The following GRK3 variants were observed in gnomAD, a reference collection of about 807,000 sequenced individuals.
GRK3 encodes adrenergic, beta, receptor kinase 2.
GRK3 carries 54 observed loss-of-function variants against 95.7 expected under a neutral mutation model. That is an observed-to-expected ratio of 0.56 (90% CI 0.45 to 0.71). GRK3 has a LOEUF of 0.71. GRK3 is among the 30% of genes least tolerant of loss of function. The pLI is 0.00. For missense variants in GRK3, 649 were observed against 851.2 expected (o/e 0.76, Z 2.96); for synonymous variants, 281 against 290.8 (o/e 0.97, Z 0.34).
At chr22:25,612,053 G>A (rs1420447701) in intron 2 of GRK3, among the ~76,000 whole-genome samples, 1 of 151,922 alleles carries the variant, frequency 6.6e-6, no homozygotes. Flanking sequence ...GGCTGGTCAC[G>A]ATCTCTTGAG....
intron 1 of GRK3, among the ~76,000 whole-genome samples, chr22:25,593,141 T>G (rs970833354): frequency 6.6e-6 from 1 of 152,080 alleles, no homozygotes; most frequent in African/African-American, 2.4e-5. Context: ...CATGTGGTTT[T>G]TTTTTTTTCT....
intron 8 of GRK3, among the ~76,000 whole-genome samples, chr22:25,674,800 TTAGCCGGGCGCA>T (rs1277730026): frequency 6.6e-6 from 1 of 151,972 alleles, no homozygotes; most frequent in Non-Finnish European, 1.5e-5. Context: ...ATACAAAAAA[TTAGCCGGGCGCA>T]GTGGCGGGCG....
chr22:25,568,277 G>A (rs1221241305), intron 1 of GRK3, among the ~76,000 whole-genome samples: 1 of 151,972 alleles, frequency 6.6e-6, no homozygotes, highest in African/African-American at 2.4e-5. Flanking sequence ...TGATTCAGAC[G>A]ACTTTTACTG....
At chr22:25,715,811 A>G (rs1434440077) in intron 18 of GRK3, among the ~76,000 whole-genome samples, 1 of 152,188 alleles carries the variant, frequency 6.6e-6, no homozygotes, top group Non-Finnish European at 1.5e-5. Flanking sequence ...TGGTAGCAGC[A>G]TCTTGGTATA....
At chr22:25,710,457 C>T (rs1242997719) in intron 16 of GRK3, among the ~76,000 whole-genome samples, 3 of 152,180 alleles carry the variant, frequency 2.0e-5, no homozygotes, top group Admixed American at 6.5e-5. Flanking sequence ...AGCATGATTT[C>T]CTTTCCTTAT....
At chr22:25,566,224 A>G (rs1260662001) in intron 1 of GRK3, among the ~76,000 whole-genome samples, 1 of 152,222 alleles carries the variant, frequency 6.6e-6, no homozygotes, top group East Asian at 1.9e-4. Context: ...TTGATGCTCA[A>G]AAGAGGCATC....
chr22:25,683,223 A>T (rs754984394), intron 9 of GRK3, among the ~76,000 whole-genome samples: 16 of 152,282 alleles, frequency 1.1e-4, no homozygotes, highest in Admixed American at 1.3e-4. Context: ...CTGATCCATG[A>T]TCTATATGGC....
chr22:25,714,487 C>T lies in GRK3; in HGVS notation c.1571C>T (p.Thr524Ile). Reference sequence around the variant, plus strand: ...CGCTGGCAGCAAGAAGTAACGGAAACAGTTTATGAAGCAGTAAATGCAGAC... The same window carrying T: ...CGCTGGCAGCAAGAAGTAACGGAAATAGTTTATGAAGCAGTAAATGCAGAC... The part of the protein sequence containing the change: ...SERWQQEVTE[T>I]VYEAVNADTD... The change falls in exon 18 of 21, where the codon ACA becomes ATA. Residue 524 changes from threonine (T) to isoleucine (I), a missense_variant. Thr to Ile is a moderately conservative substitution (Grantham distance 89, BLOSUM62 -1). Coordinates refer to ENST00000324198, the MANE Select transcript of GRK3 (RefSeq NM_005160.4). 5.0e-6 allele frequency: 8 copies of T among 1,613,912 alleles called. No individual in the cohort carries two copies. Among genetic ancestry groups the T allele is most frequent in the Non-Finnish European group, 6.8e-6 (8 of 1,179,918 alleles).
intron 2 of GRK3, among the ~76,000 whole-genome samples, chr22:25,622,215 C>T (rs1201940418): frequency 1.3e-5 from 2 of 152,176 alleles, no homozygotes; most frequent in Non-Finnish European, 2.9e-5. Flanking sequence ...AACTAAGGAA[C>T]ACTGGCAGAG....
intron 5 of GRK3, among the ~76,000 whole-genome samples, chr22:25,666,984 G>C (rs1014213085): frequency 1.3e-5 from 2 of 152,200 alleles, no homozygotes; most frequent in African/African-American, 2.4e-5. Context: ...AAAGTGGCAT[G>C]AAGTTGAAGT....
chr22:25,593,349 C>CTTTCTTTTCT (rs145706483), intron 1 of GRK3, among the ~76,000 whole-genome samples: 7 of 151,876 alleles, frequency 4.6e-5, no homozygotes, highest in African/African-American at 1.7e-4. Context: ...GCATCTGTTT[C>CTTTCTTTTCT]TTTCTTTTCT....
intron 5 of GRK3, 104 bp from the exon 6 acceptor site, chr22:25,667,635 G>A: frequency 1.4e-6 from 1 of 719,900 alleles, no homozygotes; most frequent in South Asian, 1.7e-5. Flanking sequence ...ATGCTATGGG[G>A]AGTGCATAAT....
intron 9 of GRK3, 58 bp downstream of exon 9, chr22:25,678,973 A>G (rs2146422790): frequency 8.4e-7 from 1 of 1,190,066 alleles, no homozygotes; most frequent in Non-Finnish European, 1.2e-6. Flanking sequence ...TCATAGCAGG[A>G]TGATTTATTA....
At chr22:25,662,927 CT>C (rs1238244505) in intron 4 of GRK3, among the ~76,000 whole-genome samples, 1 of 152,072 alleles carries the variant, frequency 6.6e-6, no homozygotes, top group African/African-American at 2.4e-5. Flanking sequence ...TTTTTTCCCC[CT>C]AGTTCCCCTC....
chr22:25,605,029 T>C (rs2084434587), intron 2 of GRK3, among the ~76,000 whole-genome samples: 1 of 152,228 alleles, frequency 6.6e-6, no homozygotes, highest in African/African-American at 2.4e-5. Flanking sequence ...TCTTCTTTAC[T>C]CCGATAATAA....
chr22:25,709,899 T>G lies in GRK3; in HGVS notation c.1330T>G (p.Ser444Ala), dbSNP rs749058140. ...CTGTTATGACTCTTTCTCCTCCAGC[T>G]CACAGGAAGTAAAAGAGCACAGCTT... is the stretch of plus-strand genomic sequence containing the variant. ...SKRLGCHGGG[S>A]QEVKEHSFFK... is the part of the protein sequence containing the mutation. The change falls in exon 16 of 21, where the codon TCA becomes GCA. Residue 444 changes from serine (S) to alanine (A), a missense_variant and splice_region_variant. Around this residue, in one of 3 missense-constraint regions of GRK3, gnomAD observed 382 missense variants for 493.8 expected, o/e 0.77. Transcript: ENST00000324198. 6.9e-5 allele frequency: 112 copies of G among 1,612,250 alleles called. No homozygotes were observed. Among genetic ancestry groups the G allele is most frequent in the Non-Finnish European group, 9.5e-5 (112 of 1,178,374 alleles).
intron 3 of GRK3, among the ~76,000 whole-genome samples, chr22:25,657,531 G>A (rs984548806): frequency 1.3e-5 from 2 of 151,982 alleles, no homozygotes; most frequent in African/African-American, 4.8e-5. Context: ...TTTTCCCATC[G>A]TTCTACTATC....
chr22:25,593,985 A>C (rs1191102391), intron 1 of GRK3, among the ~76,000 whole-genome samples: 1 of 152,120 alleles, frequency 6.6e-6, no homozygotes, highest in Non-Finnish European at 1.5e-5. Context: ...TATCAGCACT[A>C]TGCTGTTTTG....
intron 2 of GRK3, among the ~76,000 whole-genome samples, chr22:25,612,355 T>C (rs981611139): frequency 6.6e-6 from 1 of 152,210 alleles, no homozygotes; most frequent in African/African-American, 2.4e-5. Flanking sequence ...ATTTTAATCT[T>C]TTTGATGCTA....
Sources: allele counts gnomAD v4.1 joint callset (sites outside exome capture counted in the v4.1 genomes callset), GRCh38; gene constraint gnomAD v4.1.1; regional missense constraint gnomAD v4.1.1; transcripts MANE v1.5; gene names NCBI Gene and HGNC (gene_info 2026-07-23, HGNC 2026-07-21).